AUNIP: variants seen among roughly 807,000 people sequenced by gnomAD.
AUNIP encodes aurora kinase A- and ninein-interacting protein.
Under a neutral mutation model 12.2 loss-of-function variants are expected in AUNIP, and 16 were observed. The observed-to-expected ratio is 1.31, with a 90% CI of 0.88 to 1.99. The LOEUF (loss-of-function observed/expected upper bound fraction) is 1.99. Ranked by LOEUF, AUNIP falls within the 30% of genes most tolerant of loss-of-function variation. The pLI is 0.00. For missense variants in AUNIP, 411 were observed against 419.1 expected (o/e 0.98, Z 0.17); for synonymous variants, 142 against 154.8 (o/e 0.92, Z 0.61).
chr1:25,835,436 T>TA lies in AUNIP; in HGVS notation c.630dup (p.Met211TyrfsTer20). 6.2e-7 allele frequency: 1 copy of TA among 1,614,274 alleles called. No individual in the cohort carries two copies. The highest frequency in any genetic ancestry group is 8.5e-7 in the Non-Finnish European group (1 of 1,180,050). On this transcript the variant is annotated frameshift_variant, in exon 3 of 3. Coordinates refer to ENST00000374298, the MANE Select transcript of AUNIP (RefSeq NM_024037.3). LOFTEE classifies it low-confidence loss of function (END_TRUNC). ...CCAGGTAGTTTGGTGTGTTTCTCCA[T>TA]ACTCTGATAGTTCTTCTTAGACTCA...
Position 25,835,291 on chromosome 1 carries a change from A to C in AUNIP, c.776T>G (p.Ile259Arg). 1 of 1,614,118 alleles carries C rather than the reference A, an allele frequency of 6.2e-7. No homozygotes were observed. Among genetic ancestry groups the C allele is most frequent in the Non-Finnish European group, 8.5e-7 (1 of 1,179,992 alleles). Residue 259 changes from isoleucine to arginine, a missense_variant, in exon 3 of 3, where the codon ATA becomes AGA. Coordinates refer to ENST00000374298, the MANE Select transcript of AUNIP (RefSeq NM_024037.3). ...ACTACGGCTTTGTTTCACTGATTCTATGTTTTCTCCATTCCAGGATTCCCT... is the reference window on the plus strand; with the variant it reads ...ACTACGGCTTTGTTTCACTGATTCTCTGTTTTCTCCATTCCAGGATTCCCT... ...TYRESWNGENIESVKQSRSPV... is the reference protein window; with the variant it reads ...TYRESWNGENRESVKQSRSPV...
chr1:25,855,276 A>C (rs918424509), intron 1 of AUNIP, among the ~76,000 whole-genome samples: 22 of 152,244 alleles, frequency 1.4e-4, no homozygotes, highest in Non-Finnish European at 2.6e-4. Flanking sequence ...TAGAAGGAAA[A>C]GTACTGAAGA....
At chr1:25,857,581 G>C (rs1280474602) in intron 1 of AUNIP, among the ~76,000 whole-genome samples, 3 of 150,728 alleles carry the variant, frequency 2.0e-5, no homozygotes, top group African/African-American at 7.3e-5. Flanking sequence ...TAAAACAATC[G>C]GCCAGGCACG....
intron 1 of AUNIP, among the ~76,000 whole-genome samples, chr1:25,843,648 G>A (rs1158147604): frequency 6.7e-6 from 1 of 148,166 alleles, no homozygotes; most frequent in Non-Finnish European, 1.5e-5. Context: ...ATGGGAGGAG[G>A]TCAAAATAAC....
In AUNIP at chr1:25,835,787, T is replaced by C; in HGVS notation, c.280A>G (p.Lys94Glu). 2.5e-6 allele frequency: 4 copies of C among 1,614,244 alleles called. No individual in the cohort carries two copies. Among genetic ancestry groups the C allele is most frequent in the Non-Finnish European group, 3.4e-6 (4 of 1,180,046 alleles). Residue 94 changes from lysine (K) to glutamate (E), a missense_variant, in exon 3 of 3, where the codon AAA becomes GAA. Transcript: ENST00000374298. ...TGGGTCGCATTTTTCTTGGACTCTT[T>C]GTTGATCTGACTTTCTGTATGAGAT... ...VSSHTESQIN[K>E]ESKKNATQLD...
rs897213303 is a variant in AUNIP, at chr1:25,847,901, C to T, written c.79-10347G>A. 4.6e-5 allele frequency among the ~76,000 whole-genome samples: 7 copies of T among 152,038 alleles called. No homozygotes were observed. Among genetic ancestry groups the T allele is most frequent in the East Asian group, 1.9e-4 (1 of 5,164 alleles). Reference sequence around the variant, plus strand: ...CAGAGGTTGCAGTGAGCCAAGATCACGCCACCGCACTCTAGCCTGGGTGAC... The same window carrying T: ...CAGAGGTTGCAGTGAGCCAAGATCATGCCACCGCACTCTAGCCTGGGTGAC... On this transcript the variant is annotated intron_variant, in intron 1 of 2. Transcript: ENST00000374298. The surrounding 1 kb of genome is among the most constrained non-coding windows in gnomAD (Gnocchi z 4.2).
chr1:25,854,217 TAAAC>T (rs747335023), intron 1 of AUNIP, among the ~76,000 whole-genome samples: 2 of 151,800 alleles, frequency 1.3e-5, no homozygotes, highest in South Asian at 2.1e-4. Flanking sequence ...CTCAAAAAAA[TAAAC>T]AAACAAATAA....
chr1:25,835,993 T>C, intron 2 of AUNIP, 147 bp from the exon 3 acceptor site: 5 of 1,268,348 alleles, frequency 3.9e-6, no homozygotes, highest in Non-Finnish European at 5.3e-6. Flanking sequence ...GTAGCCAATC[T>C]TCCTGTTTTC....
intron 1 of AUNIP, among the ~76,000 whole-genome samples, chr1:25,857,781 T>C (rs555829376): frequency 1.3e-4 from 20 of 151,298 alleles, no homozygotes; most frequent in African/African-American, 4.8e-4. Context: ...AAGAATCGCT[T>C]GAACCCGGGA....
downstream of AUNIP, among the ~76,000 whole-genome samples, chr1:25,833,119 C>CTT (rs2048268372): frequency 6.6e-6 from 1 of 151,974 alleles, no homozygotes; most frequent in Non-Finnish European, 1.5e-5. Context: ...GCCCTATACT[C>CTT]TTTTTCTTTT....
At chr1:25,857,035 G>A (rs1345342063) in intron 1 of AUNIP, among the ~76,000 whole-genome samples, 7 of 152,110 alleles carry the variant, frequency 4.6e-5, no homozygotes, top group African/African-American at 1.4e-4. Context: ...AGGATCACCT[G>A]GAGCCCGGGG....
chr1:25,855,644 C>G (rs1209987358), intron 1 of AUNIP, among the ~76,000 whole-genome samples: 2 of 152,104 alleles, frequency 1.3e-5, no homozygotes, highest in Non-Finnish European at 2.9e-5. Context: ...CTCATTCTCT[C>G]AAAAATAGCA....
intron 1 of AUNIP, among the ~76,000 whole-genome samples, chr1:25,843,625 G>T (rs900369123): frequency 8.0e-6 from 1 of 124,410 alleles, no homozygotes; most frequent in African/African-American, 3.5e-5. Flanking sequence ...AAAAAAAAAG[G>T]GATTCATGAT....
rs571733383 is a variant in AUNIP, at chr1:25,844,848, T to C, written c.79-7294A>G. Among the ~76,000 whole-genome samples, 196 of 152,314 alleles carry C rather than the reference T, an allele frequency of 1.3e-3. 4 individuals are homozygous for C. In the Middle Eastern group the frequency reaches 0.048, roughly 37 times the overall value. ...TCATCACCAAGTCCCTCTTTCCTTT[T>C]AGTCTTTCCCAGCATTAATTTGATG... On this transcript the variant is annotated intron_variant, in intron 1 of 2. Coordinates refer to ENST00000374298, the MANE Select transcript of AUNIP (RefSeq NM_024037.3).
Position 25,839,537 on chromosome 1 carries a change from T to C in AUNIP, c.79-1983A>G, listed in dbSNP as rs530576107. ...TTAGAGCTCTAAGGAGAATCATCCT[T>C]TAGTAGTAGAGCTAAACTAGCCCTA... On this transcript the variant is annotated intron_variant, in intron 1 of 2. Coordinates refer to ENST00000374298, the MANE Select transcript of AUNIP (RefSeq NM_024037.3). 3.3e-5 allele frequency among the ~76,000 whole-genome samples: 5 copies of C among 152,290 alleles called. No homozygotes were observed. The South Asian group carries it at 1.0e-3, about 32-fold the overall frequency.
intron 1 of AUNIP, 64 bp from the exon 2 acceptor site, chr1:25,837,618 C>T: frequency 2.7e-6 from 4 of 1,491,434 alleles, no homozygotes; most frequent in Non-Finnish European, 3.7e-6. Context: ...AGTAGAGATT[C>T]AGTACACACC....
In AUNIP at chr1:25,837,406, A is replaced by G. The variant is rs765126964; in HGVS notation, c.220+7T>C. Reference sequence around the variant, plus strand: ...ATAATGAAGTATTCCCATATGGGTCACCATACCTGGCTGCAAGGTGAAGAA... The same window carrying G: ...ATAATGAAGTATTCCCATATGGGTCGCCATACCTGGCTGCAAGGTGAAGAA... On this transcript the variant is annotated splice_region_variant and intron_variant, in intron 2 of 2. Transcript: ENST00000374298. 6.2e-7 allele frequency: 1 copy of G among 1,612,550 alleles called. No individual in the cohort carries two copies. Among genetic ancestry groups the G allele is most frequent in the South Asian group, 1.1e-5 (1 of 90,742 alleles).
In AUNIP at chr1:25,835,274, T is replaced by C; in HGVS notation, c.793A>G (p.Ser265Gly). ...NGENIESVKQSRSPVSVFSWD... is the reference protein window; with the variant it reads ...NGENIESVKQGRSPVSVFSWD... ...GAAAACACAGAAACTGGACTACGGCTTTGTTTCACTGATTCTATGTTTTCT... is the reference window on the plus strand; with the variant it reads ...GAAAACACAGAAACTGGACTACGGCCTTGTTTCACTGATTCTATGTTTTCT... Residue 265 changes from serine to glycine, a missense_variant, in exon 3 of 3, where the codon AGC (serine) becomes GGC (glycine). Ser to Gly is a moderately conservative substitution (Grantham distance 56). Transcript: ENST00000374298. 1.9e-6 allele frequency: 3 copies of C among 1,614,224 alleles called. No individual in the cohort carries two copies. Among genetic ancestry groups the C allele is most frequent in the Non-Finnish European group, 1.7e-6 (2 of 1,180,022 alleles).
At chr1:25,858,064 G>A (rs2048477245) in intron 1 of AUNIP, among the ~76,000 whole-genome samples, 1 of 152,170 alleles carries the variant, frequency 6.6e-6, no homozygotes, top group South Asian at 2.1e-4. Context: ...CTACTCAGGA[G>A]GCTGAGGCAG....
Sources: gnomAD v4.1 joint callset for allele counts (sites outside exome capture counted in the v4.1 genomes callset) on GRCh38, gnomAD v4.1.1 for gene constraint, Gnocchi (gnomAD v3.1) non-coding constraint, MANE v1.5 for transcripts, NCBI Gene and HGNC (gene_info 2026-07-23, HGNC 2026-07-21) for gene names.